OAF: variants seen among roughly 807,000 people sequenced by gnomAD.
The protein encoded by OAF is out at first protein homolog.
In OAF, 13 loss-of-function variants were observed where a neutral mutation model predicts 22.5. The ratio of observed to expected loss-of-function variants is 0.58; its 90% CI spans 0.38 to 0.92. The LOEUF (loss-of-function observed/expected upper bound fraction) is 0.92. Ranked by LOEUF, OAF falls within the 40% of genes least tolerant of loss-of-function variation. The pLI is 0.00. For missense variants in OAF, 347 were observed against 381.8 expected (o/e 0.91, Z 0.76); for synonymous variants, 175 against 170.5 (o/e 1.03, Z -0.21).
intron 1 of OAF, among the ~76,000 whole-genome samples, chr11:120,213,178 T>G (rs1308312087): frequency 2.0e-5 from 3 of 151,974 alleles, no homozygotes; most frequent in African/African-American, 7.3e-5. Context: ...TTTTATAGCC[T>G]TTAGCTACAT....
intron 1 of OAF, among the ~76,000 whole-genome samples, chr11:120,223,764 T>G (rs1192083697): frequency 6.6e-6 from 1 of 152,206 alleles, no homozygotes; most frequent in Non-Finnish European, 1.5e-5. Context: ...TTGGAGAAGA[T>G]GCTGTGAATA....
rs562171152 is a variant in OAF at position 120,225,173 on chromosome 11, CCAGGAGCCTGGCCAA to C, written c.232-487_232-473del. Among the ~76,000 whole-genome samples, 5 of 152,222 alleles carry C rather than the reference CCAGGAGCCTGGCCAA, an allele frequency of 3.3e-5. No individual in the cohort carries two copies. In the South Asian group the frequency reaches 1.0e-3, roughly 32 times the overall value. ...ACTCCACTCACTCAGTGGTCGGTGGCCAGGAGCCTGGCCAATCAGAAGCACCAAGGGCATCTTGAG... is the reference window on the plus strand; with the variant it reads ...ACTCCACTCACTCAGTGGTCGGTGGCTCAGAAGCACCAAGGGCATCTTGAG... On this transcript the variant is annotated intron_variant, in intron 1 of 3. Transcript: ENST00000328965.
At chr11:120,227,080 G>T in intron 3 of OAF, 84 bp downstream of exon 3, 1 of 926,424 alleles carries the variant, frequency 1.1e-6, no homozygotes, top group Non-Finnish European at 1.6e-6. Context: ...GGAGGGCAGG[G>T]GCATCATTAG....
chr11:120,226,738 C>G, intron 2 of OAF, 78 bp from the exon 3 acceptor site: 1 of 1,394,132 alleles, frequency 7.2e-7, no homozygotes, highest in Non-Finnish European at 9.8e-7. Flanking sequence ...TTGGGCTCGC[C>G]TGACTCTGGA....
chr11:120,227,975 G>A (rs1356186981), intron 3 of OAF, among the ~76,000 whole-genome samples: 2 of 151,926 alleles, frequency 1.3e-5, no homozygotes, highest in South Asian at 2.1e-4. Flanking sequence ...CTCCTCCAGC[G>A]CCCCAATATG....
chr11:120,228,035 C>T (rs952141776), intron 3 of OAF, among the ~76,000 whole-genome samples: 2 of 152,130 alleles, frequency 1.3e-5, no homozygotes, highest in Admixed American at 1.3e-4. Context: ...CTGACCTGCC[C>T]CACTGTGGGT....
intron 1 of OAF, among the ~76,000 whole-genome samples, chr11:120,223,665 C>A (rs1334644612): frequency 6.6e-6 from 1 of 152,220 alleles, no homozygotes; most frequent in African/African-American, 2.4e-5. Flanking sequence ...CAAATACCTT[C>A]TTTTGCCAAC....
intron 3 of OAF, 43 bp from the exon 4 acceptor site, chr11:120,228,825 T>TACCAAACCAC: frequency 4.6e-6 from 2 of 434,174 alleles, no homozygotes; most frequent in East Asian, 5.5e-5. Flanking sequence ...GCTCCTTCCC[T>TACCAAACCAC]CCCTCCCTCC....
intron 1 of OAF, among the ~76,000 whole-genome samples, chr11:120,221,834 A>G (rs1938283178): frequency 6.6e-6 from 1 of 152,092 alleles, no homozygotes; most frequent in Non-Finnish European, 1.5e-5. Flanking sequence ...GGTAGGCTGG[A>G]GATTCCTGGA....
chr11:120,214,116 T>G (rs2135089204), intron 1 of OAF: 1 of 152,360 alleles, frequency 6.6e-6, no homozygotes, highest in East Asian at 1.9e-4. Context: ...CCTCATCTAC[T>G]TGGGAAGAGC....
chr11:120,216,945 T>C (rs971815923), intron 1 of OAF, among the ~76,000 whole-genome samples: 3 of 152,146 alleles, frequency 2.0e-5, no homozygotes, highest in African/African-American at 7.2e-5. Context: ...AGCTCTCAAG[T>C]GAGGCTGACA....
At chr11:120,214,990 G>A (rs1020679272) in intron 1 of OAF, among the ~76,000 whole-genome samples, 1 of 152,188 alleles carries the variant, frequency 6.6e-6, no homozygotes, top group Non-Finnish European at 1.5e-5. Context: ...CCCACTGCCT[G>A]GGCTGCACAC....
intron 1 of OAF, among the ~76,000 whole-genome samples, chr11:120,222,300 G>A (rs1290123800): frequency 6.6e-6 from 1 of 152,236 alleles, no homozygotes; most frequent in Non-Finnish European, 1.5e-5. Flanking sequence ...GCTCACACCT[G>A]TAATCCCAGC....
At position 120,211,279 on chromosome 11, in the gene OAF, G is replaced by C; in HGVS notation, c.-1G>C. ...GCCGCGGACGGCAGCGGCCCCCGGG[G>C]ATGCGCCTTCCCGGGGTACCCCTGG... On this transcript the variant is annotated 5_prime_UTR_variant, in exon 1 of 4. Transcript: ENST00000328965. 1.6e-6 allele frequency: 2 copies of C among 1,238,006 alleles called. No homozygotes were observed. The highest frequency in any genetic ancestry group is 2.0e-6 in the Non-Finnish European group (2 of 990,282). The allele number at this position is 1,238,006 out of a possible 1,614,324, so 76.7% of individuals were successfully genotyped here. A position where few individuals can be genotyped will look rare whatever the true frequency, so the allele number is the denominator to read the frequency against.
In OAF at chr11:120,229,375, GGAGAGA is replaced by G; in HGVS notation, c.*234_*239del. 1 of 410,022 alleles carries G rather than the reference GGAGAGA, an allele frequency of 2.4e-6. No individual in the cohort carries two copies. Among genetic ancestry groups the G allele is most frequent in the Non-Finnish European group, 4.3e-6 (1 of 232,670 alleles). 25.4% of individuals were successfully genotyped at this position (410,022 alleles called of 1,614,324 possible). ...CTGTGCCTTCCTTGCGGGCAGAGAG[GGAGAGA>G]AGGGCTCCCCAGATCTACACCCCTC... On this transcript the variant is annotated 3_prime_UTR_variant, in exon 4 of 4. Coordinates refer to ENST00000328965, the MANE Select transcript of OAF (RefSeq NM_178507.4).
intron 1 of OAF, among the ~76,000 whole-genome samples, chr11:120,224,019 A>C (rs1938319728): frequency 6.6e-6 from 1 of 152,204 alleles, no homozygotes; most frequent in South Asian, 2.1e-4. Context: ...CTGGCAGGAC[A>C]AGGAGATTGC....
At position 120,225,708 on chromosome 11, in the gene OAF, G is replaced by A; in HGVS notation, c.279G>A (p.Gly93=). ...RALILGELEK[G]QSQFQALCFV... is the part of the protein sequence containing the mutation. ...TGATCCTGGGGGAGCTGGAGAAGGG[G>A]CAGAGTCAGTTCCAGGCCCTCTGCT... Residue 93 remains glycine, a synonymous_variant, in exon 2 of 4, where the codon GGG becomes GGA. Transcript: ENST00000328965. The A allele has an allele frequency of 1.9e-6, 3 of 1,605,678 alleles. No homozygotes were observed. The highest frequency in any genetic ancestry group is 1.7e-6 in the Non-Finnish European group (2 of 1,176,290).
At chr11:120,215,604 T>C (rs1224955706) in intron 1 of OAF, among the ~76,000 whole-genome samples, 1 of 152,238 alleles carries the variant, frequency 6.6e-6, no homozygotes, top group Non-Finnish European at 1.5e-5. Context: ...CTCTCCTTTA[T>C]ACTCCACATC....
At chr11:120,216,946 G>C (rs148226544) in intron 1 of OAF, among the ~76,000 whole-genome samples, 8 of 152,316 alleles carry the variant, frequency 5.3e-5, no homozygotes, top group African/African-American at 1.9e-4. Flanking sequence ...GCTCTCAAGT[G>C]AGGCTGACAA....
Sources: gnomAD v4.1 joint callset for allele counts (sites outside exome capture counted in the v4.1 genomes callset) on GRCh38, gnomAD v4.1.1 for gene constraint, MANE v1.5 for transcripts, NCBI Gene and HGNC (gene_info 2026-07-23, HGNC 2026-07-21) for gene names.